Variants in TUBGCP3 observed in about 807,000 individuals in gnomAD.
The protein encoded by TUBGCP3 is tubulin gamma complex component 3, also known as gamma-tubulin complex component 3.
In TUBGCP3, 50 loss-of-function variants were observed where a neutral mutation model predicts 123.1. That is an observed-to-expected ratio of 0.41 (90% confidence interval 0.32 to 0.51). The LOEUF is 0.51. TUBGCP3 is among the 20% of genes least tolerant of loss of function. TUBGCP3 has a pLI of 0.36. For missense variants in TUBGCP3, 882 were observed against 1,127.0 expected, an observed-to-expected ratio of 0.78 and a Z score of 3.11; for synonymous variants, 405 against 413.9, an observed-to-expected ratio of 0.98 and a Z score of 0.26.
At chr13:112,492,454 G>A (rs1296105393) in intron 20 of TUBGCP3, among the ~76,000 whole-genome samples, 1 of 152,240 alleles carries the variant, frequency 6.6e-6, no homozygotes, top group Non-Finnish European at 1.5e-5. Flanking sequence ...AGATGAATAT[G>A]CGCATGTCAC....
chr13:112,604,095 T>C, the TUBGCP3 span: 1 of 152,336 alleles, frequency 6.6e-6, no homozygotes, highest in South Asian at 2.1e-4. Flanking sequence ...AGAATCACTA[T>C]TTCCAGTGAG....
chr13:112,496,426 T>C (rs982905780), intron 20 of TUBGCP3, among the ~76,000 whole-genome samples: 4 of 152,228 alleles, frequency 2.6e-5, no homozygotes, highest in East Asian at 1.9e-4. Context: ...AGGAGGCGAC[T>C]TGCATGATCT....
chr13:112,565,241 C>T (rs1222889336), intron 2 of TUBGCP3, 63 bp from the exon 3 acceptor site: 1 of 1,386,788 alleles, frequency 7.2e-7, no homozygotes, highest in African/African-American at 1.4e-5. Flanking sequence ...TCTTATGATA[C>T]TATTTCACCT....
chr13:112,604,021 T>C, the TUBGCP3 span: 1 of 152,212 alleles, frequency 6.6e-6, no homozygotes, highest in Non-Finnish European at 1.5e-5. Flanking sequence ...TCTGTTCAAA[T>C]TTAGTCCTCC....
At chr13:112,491,883 T>A (rs1400767104) in intron 20 of TUBGCP3, among the ~76,000 whole-genome samples, 1 of 152,202 alleles carries the variant, frequency 6.6e-6, no homozygotes, top group Non-Finnish European at 1.5e-5. Flanking sequence ...GCAAACACCA[T>A]CCTCTACTGA....
intron 8 of TUBGCP3, among the ~76,000 whole-genome samples, chr13:112,551,077 T>C (rs554290456): frequency 4.3e-4 from 66 of 151,978 alleles, no homozygotes; most frequent in Admixed American, 2.1e-3. Flanking sequence ...CCAGCCTGGG[T>C]GACAGAGCGA....
At chr13:112,553,978 T>C in intron 8 of TUBGCP3, 79 bp downstream of exon 8, 1 of 1,556,132 alleles carries the variant, frequency 6.4e-7, no homozygotes, top group Non-Finnish European at 8.7e-7. Context: ...GAAGGAGCTA[T>C]TTCACAGTAA....
At chr13:112,566,449 A>G (rs921274441) in intron 2 of TUBGCP3, among the ~76,000 whole-genome samples, 1 of 152,194 alleles carries the variant, frequency 6.6e-6, no homozygotes, top group Non-Finnish European at 1.5e-5. Context: ...CCAACCCCAT[A>G]TTCTTCAGCT....
At chr13:112,500,423 C>A (rs943819329) in intron 19 of TUBGCP3, among the ~76,000 whole-genome samples, 1 of 151,954 alleles carries the variant, frequency 6.6e-6, no homozygotes, top group Non-Finnish European at 1.5e-5. Context: ...CACTCCGAAG[C>A]GTGAAAAAGA....
rs1232979842 is a variant in TUBGCP3, at chr13:112,560,347, G to A, written c.253-948C>T. Reference sequence around the variant, plus strand: ...TGGGAGGCTGAGGCAGGAGAATGGCGTGAACCCGGGAGGCGGAGCTTGCAG... The same window carrying A: ...TGGGAGGCTGAGGCAGGAGAATGGCATGAACCCGGGAGGCGGAGCTTGCAG... On this transcript the variant is annotated intron_variant, in intron 3 of 21. Coordinates refer to ENST00000261965, the MANE Select transcript of TUBGCP3 (RefSeq NM_006322.6). Among the ~76,000 whole-genome samples the A allele has an allele frequency of 4.0e-5, 6 of 150,404 alleles. No homozygotes were observed. The South Asian group carries it at 8.4e-4, about 21-fold the overall frequency.
chr13:112,588,180 T>C (rs1882772772), upstream of TUBGCP3: 2 of 419,102 alleles, frequency 4.8e-6, no homozygotes, highest in Admixed American at 9.1e-5. Context: ...GCCCCGCTTC[T>C]TCCCTGCGCC....
At chr13:112,555,792 G>C (rs538440503) in intron 6 of TUBGCP3, among the ~76,000 whole-genome samples, 101 of 152,286 alleles carry the variant, frequency 6.6e-4, no homozygotes, top group South Asian at 3.3e-3. Context: ...GCAAAGACGA[G>C]AGATGTGGAG....
the TUBGCP3 span, among the ~76,000 whole-genome samples, chr13:112,598,320 C>A: frequency 6.6e-6 from 1 of 150,628 alleles, no homozygotes; most frequent in African/African-American, 2.4e-5. Flanking sequence ...TTCCTTCAGG[C>A]AGAAGAAAAA....
chr13:112,588,607 C>T (rs566784523), upstream of TUBGCP3, among the ~76,000 whole-genome samples: 5 of 152,154 alleles, frequency 3.3e-5, no homozygotes, highest in South Asian at 2.1e-4. Context: ...CGGGCCGGTC[C>T]CCCCCGGCCC....
rs145435673 is a variant in TUBGCP3 at position 112,550,700 on chromosome 13, C to T, written c.967-2524G>A. On this transcript the variant is annotated intron_variant, in intron 8 of 21. Transcript: ENST00000261965. ...TCTTAGGTAATATTTACAGAGAAAACGACATGGAATCTGCTCAGGCACAGC... is the reference window on the plus strand; with the variant it reads ...TCTTAGGTAATATTTACAGAGAAAATGACATGGAATCTGCTCAGGCACAGC... Among the ~76,000 whole-genome samples, 479 of 152,338 alleles carry T rather than the reference C, an allele frequency of 3.1e-3. 1 individual carries two copies. The highest frequency in any genetic ancestry group is 0.011 in the African/African-American group (443 of 41,582).
At chr13:112,551,172 A>T (rs1879554602) in intron 8 of TUBGCP3, among the ~76,000 whole-genome samples, 1 of 152,264 alleles carries the variant, frequency 6.6e-6, no homozygotes, top group Admixed American at 6.5e-5. Flanking sequence ...CTAAGTATTT[A>T]TATACAGGTG....
At chr13:112,601,121 A>G in the TUBGCP3 span, among the ~76,000 whole-genome samples, 1 of 144,408 alleles carries the variant, frequency 6.9e-6, no homozygotes, top group Non-Finnish European at 1.5e-5. Flanking sequence ...CAGGAGGCAG[A>G]GGTTGCTGTG....
chr13:112,591,469 G>A (rs1882881595), upstream of TUBGCP3, among the ~76,000 whole-genome samples: 1 of 152,196 alleles, frequency 6.6e-6, no homozygotes, highest in Non-Finnish European at 1.5e-5. Flanking sequence ...TAGTTCTTCT[G>A]TTTTGTTGCT....
intron 20 of TUBGCP3, among the ~76,000 whole-genome samples, chr13:112,494,220 A>G (rs1157565537): frequency 1.3e-5 from 2 of 152,044 alleles, no homozygotes; most frequent in Non-Finnish European, 2.9e-5. Flanking sequence ...CCTGAGACAC[A>G]CTTCCATTGG....
Sources: gnomAD v4.1 joint callset for allele counts (sites outside exome capture counted in the v4.1 genomes callset) on GRCh38, gnomAD v4.1.1 for gene constraint, MANE v1.5 for transcripts, NCBI Gene and HGNC (gene_info 2026-07-23, HGNC 2026-07-21) for gene names.